The following TMEM117 variants were observed in gnomAD, a reference collection of about 807,000 sequenced individuals.
TMEM117 encodes the protein transmembrane protein 117.
TMEM117 carries 27 observed loss-of-function variants against 52.4 expected under a neutral mutation model. That is an observed-to-expected ratio of 0.51 (90% confidence interval 0.38 to 0.71). TMEM117 has a LOEUF of 0.71. Ranked by LOEUF, TMEM117 falls within the 30% of genes least tolerant of loss-of-function variation. The probability of loss-of-function intolerance (pLI) is 0.00; values close to 1 mark genes in which losing one functional copy is unlikely to be tolerated. For missense variants in TMEM117, 556 were observed against 630.5 expected (o/e 0.88, Z 1.26); for synonymous variants, 215 against 206.3 (o/e 1.04, Z -0.36).
chr12:44,020,517 G>GA, intron 3 of TMEM117, among the ~76,000 whole-genome samples: 1 of 152,242 alleles, frequency 6.6e-6, no homozygotes, highest in East Asian at 1.9e-4. Context: ...TCTGATCTAC[G>GA]AATTTAAAGG....
rs1005131458 is a variant in TMEM117, at chr12:44,200,902, GA to G, written c.511-10382del. Among the ~76,000 whole-genome samples, 4 of 152,136 alleles carry G rather than the reference GA, an allele frequency of 2.6e-5. No homozygotes were observed. In the East Asian group the frequency reaches 7.7e-4, roughly 29 times the overall value. ...GAGCCTCTTGGATACAGAAAGTCTG[GA>G]AAAAACTCACATCATTCAGATGTCA... is the stretch of plus-strand genomic sequence containing the variant. On this transcript the variant is annotated intron_variant, in intron 4 of 7. Transcript: ENST00000266534.
chr12:44,139,411 G>A (rs1565844803), intron 3 of TMEM117, among the ~76,000 whole-genome samples: 2 of 151,812 alleles, frequency 1.3e-5, no homozygotes, highest in Non-Finnish European at 2.9e-5. Context: ...TTTGCAACAG[G>A]TTTTAATAGG....
rs111307664 is a variant in TMEM117, at chr12:43,845,007, A to G, written c.277+79A>G. On this transcript the variant is annotated intron_variant, in intron 2 of 7. Transcript: ENST00000266534. ...TCCAAGATACAACTTTGCTATTTCTAAGTGCCAATGTAGGAGGCATTTTAG... is the reference window on the plus strand; with the variant it reads ...TCCAAGATACAACTTTGCTATTTCTGAGTGCCAATGTAGGAGGCATTTTAG... 2,586 of 1,508,920 alleles carry G rather than the reference A, an allele frequency of 1.7e-3. 25 individuals are homozygous for G. The African/African-American group carries it at 0.026, about 15-fold the overall frequency. 93.5% of individuals were successfully genotyped at this position (1,508,920 alleles called of 1,614,324 possible).
intron 5 of TMEM117, among the ~76,000 whole-genome samples, chr12:44,237,592 C>G (rs1240838689): frequency 1.3e-5 from 2 of 151,988 alleles, no homozygotes; most frequent in African/African-American, 4.8e-5. Context: ...TGGCATGCAC[C>G]TGTAATCCCC....
intron 5 of TMEM117, among the ~76,000 whole-genome samples, chr12:44,216,512 C>T (rs555784321): frequency 6.6e-6 from 1 of 152,306 alleles, no homozygotes; most frequent in East Asian, 1.9e-4. Context: ...TACAAAAAGT[C>T]ATCCCTAGAA....
chr12:44,305,068 G>C (rs1950887881), intron 6 of TMEM117, among the ~76,000 whole-genome samples: 1 of 152,178 alleles, frequency 6.6e-6, no homozygotes, highest in Non-Finnish European at 1.5e-5. Flanking sequence ...CTCATCCTGG[G>C]CCAGAGGGGA....
intron 4 of TMEM117, among the ~76,000 whole-genome samples, chr12:44,154,719 T>C (rs1948802273): frequency 6.6e-6 from 1 of 151,760 alleles, no homozygotes; most frequent in African/African-American, 2.4e-5. Flanking sequence ...TTAAATAAAA[T>C]TTAGCAAAGT....
chr12:44,246,525 T>C (rs1950131834), intron 5 of TMEM117, among the ~76,000 whole-genome samples: 1 of 152,210 alleles, frequency 6.6e-6, no homozygotes, highest in Non-Finnish European at 1.5e-5. Flanking sequence ...ATAAGATGTT[T>C]AGTGTCATCA....
At chr12:43,884,820 C>T (rs1182868200) in intron 2 of TMEM117, among the ~76,000 whole-genome samples, 1 of 152,140 alleles carries the variant, frequency 6.6e-6, no homozygotes, top group African/African-American at 2.4e-5. Context: ...CAACTTACCA[C>T]CAGACCCTAC....
intron 5 of TMEM117, among the ~76,000 whole-genome samples, chr12:44,277,761 CTTTTTT>C (rs35687259): frequency 1.0e-5 from 1 of 95,504 alleles, no homozygotes; most frequent in Admixed American, 1.3e-4. Flanking sequence ...AAACTCTGAG[CTTTTTT>C]TTTTTTTTTT....
chr12:44,085,791 A>G (rs1947556789), intron 3 of TMEM117, among the ~76,000 whole-genome samples: 1 of 152,234 alleles, frequency 6.6e-6, no homozygotes, highest in African/African-American at 2.4e-5. Context: ...ATTACTGAAC[A>G]TAACAATTAC....
chr12:44,345,969 T>C (rs770659414), intron 6 of TMEM117, among the ~76,000 whole-genome samples: 17 of 152,106 alleles, frequency 1.1e-4, no homozygotes, highest in Non-Finnish European at 2.2e-4. Flanking sequence ...ATCTTACAGA[T>C]CATCTACTAA....
chr12:43,915,929 C>T (rs935749681), intron 2 of TMEM117, among the ~76,000 whole-genome samples: 1 of 152,108 alleles, frequency 6.6e-6, no homozygotes, highest in Non-Finnish European at 1.5e-5. Context: ...CCCCCTCAAC[C>T]TCACCTCCCA....
intron 3 of TMEM117, among the ~76,000 whole-genome samples, chr12:44,105,657 G>T (rs1334091616): frequency 1.3e-5 from 2 of 151,996 alleles, no homozygotes; most frequent in Non-Finnish European, 2.9e-5. Context: ...CTGTGAACTT[G>T]AAAAGTGCTT....
chr12:43,871,310 G>T (rs1270448406), intron 2 of TMEM117, among the ~76,000 whole-genome samples: 1 of 152,048 alleles, frequency 6.6e-6, no homozygotes, highest in East Asian at 1.9e-4. Context: ...TGCCATGTTG[G>T]TCAGGCTGGT....
chr12:44,135,763 A>G (rs188571152), intron 3 of TMEM117, among the ~76,000 whole-genome samples: 1 of 152,232 alleles, frequency 6.6e-6, no homozygotes, highest in Non-Finnish European at 1.5e-5. Context: ...TCATTTTATT[A>G]TATACAGTGG....
intron 3 of TMEM117, among the ~76,000 whole-genome samples, chr12:44,059,372 A>G (rs1484924317): frequency 6.6e-6 from 1 of 152,212 alleles, no homozygotes; most frequent in Admixed American, 6.5e-5. Flanking sequence ...GAAAAATTAT[A>G]TATCACTTTT....
chr12:44,374,616 TTG>T (rs5742462), intron 6 of TMEM117, among the ~76,000 whole-genome samples: 14,501 of 144,694 alleles, frequency 0.1, 952 homozygotes, highest in African/African-American at 0.21. Context: ...AAGGAACTAT[TTG>T]TGTGTGTGTG....
At chr12:44,152,427 T>C (rs1948752924) in intron 4 of TMEM117, among the ~76,000 whole-genome samples, 1 of 115,910 alleles carries the variant, frequency 8.6e-6, no homozygotes, top group Non-Finnish European at 1.6e-5. Flanking sequence ...TTTCTATATT[T>C]ATATATTATA....
Sources: allele counts gnomAD v4.1 joint callset (sites outside exome capture counted in the v4.1 genomes callset), GRCh38; gene constraint gnomAD v4.1.1; transcripts MANE v1.5; gene names NCBI Gene and HGNC (gene_info 2026-07-23, HGNC 2026-07-21).